The following CEP112 variants were observed in gnomAD, a reference collection of about 807,000 sequenced individuals.
The protein encoded by CEP112 is centrosomal protein 112.
CEP112 carries 127 observed loss-of-function variants against 153.0 expected under a neutral mutation model. The ratio of observed to expected loss-of-function variants is 0.83; its 90% confidence interval spans 0.72 to 0.96. The LOEUF is 0.96. Among genes scored for constraint, CEP112 ranks in the 40% least tolerant of loss-of-function variants. The pLI, the probability that CEP112 is intolerant of heterozygous loss-of-function variation, is 0.00. For missense variants in CEP112, 1,089 were observed against 1,101.2 expected, an observed-to-expected ratio of 0.99 and a Z score of 0.16; for synonymous variants, 358 against 374.4, an observed-to-expected ratio of 0.96 and a Z score of 0.51.
intron 6 of CEP112, among the ~76,000 whole-genome samples, chr17:66,121,081 C>T (rs1013546338): frequency 1.3e-5 from 2 of 151,974 alleles, no homozygotes; most frequent in Admixed American, 1.3e-4. Flanking sequence ...GAGTTCGAGA[C>T]CAGTCTGACC....
intron 18 of CEP112, among the ~76,000 whole-genome samples, chr17:65,954,338 C>T (rs2061937417): frequency 6.6e-6 from 1 of 152,114 alleles, no homozygotes; most frequent in Non-Finnish European, 1.5e-5. Context: ...AAGGGAGCAC[C>T]CCATAGGACA....
At chr17:65,991,059 A>C (rs2063576438) in intron 17 of CEP112, among the ~76,000 whole-genome samples, 1 of 152,240 alleles carries the variant, frequency 6.6e-6, no homozygotes, top group Non-Finnish European at 1.5e-5. Flanking sequence ...TCCTGGCTTC[A>C]GAACTCTGGA....
chr17:65,637,207 G>A lies in CEP112; in HGVS notation c.2800-19C>T, dbSNP rs368506004. ...AATTAACCTAGAAAAGACACCTTGT[G>A]TGAGAAGAGGTGGACGTGGCTTACA... On this transcript the variant is annotated intron_variant, in intron 25 of 26. Transcript: ENST00000535342. 10 of 1,580,934 alleles carry A rather than the reference G, an allele frequency of 6.3e-6. No individual in the cohort carries two copies. The African/African-American group carries it at 1.2e-4, about 19-fold the overall frequency.
intron 20 of CEP112, among the ~76,000 whole-genome samples, chr17:65,866,534 C>T (rs1039331598): frequency 1.3e-5 from 2 of 152,196 alleles, no homozygotes; most frequent in African/African-American, 2.4e-5. Context: ...TGCTGGTCCC[C>T]GCAGATGGCA....
intron 23 of CEP112, among the ~76,000 whole-genome samples, chr17:65,722,723 G>C (rs893361583): frequency 6.6e-6 from 1 of 152,220 alleles, no homozygotes; most frequent in Admixed American, 6.5e-5. Flanking sequence ...GGATGAGAGA[G>C]AACACGATGT....
chr17:65,677,460 A>T (rs376941000), intron 24 of CEP112, among the ~76,000 whole-genome samples: 13 of 152,166 alleles, frequency 8.5e-5, no homozygotes, highest in African/African-American at 3.1e-4. Flanking sequence ...TTTCTACTGG[A>T]ACTATGCCTT....
chr17:65,663,310 TATTGTAA>T (rs2046493100), intron 24 of CEP112, among the ~76,000 whole-genome samples: 1 of 152,216 alleles, frequency 6.6e-6, no homozygotes, highest in Admixed American at 6.5e-5. Context: ...AGGGTTGTTG[TATTGTAA>T]ACTTAGGTTA....
At chr17:66,099,026 A>G (rs1343468577) in intron 6 of CEP112, among the ~76,000 whole-genome samples, 2 of 152,194 alleles carry the variant, frequency 1.3e-5, no homozygotes, top group Non-Finnish European at 2.9e-5. Context: ...TCAGAGTGCC[A>G]GAGATGGGCA....
chr17:65,931,956 T>C (rs761132819), intron 18 of CEP112, among the ~76,000 whole-genome samples: 1 of 152,154 alleles, frequency 6.6e-6, no homozygotes. Context: ...CTTGACAGCA[T>C]TGGAGTCTGA....
intron 24 of CEP112, among the ~76,000 whole-genome samples, chr17:65,653,930 G>A (rs1043083722): frequency 3.2e-4 from 48 of 151,466 alleles, no homozygotes; most frequent in African/African-American, 9.9e-4. Context: ...GTGGTGGTGC[G>A]CACCTGTAGT....
rs566003511 is a variant in CEP112, at chr17:65,723,122, A to AG, written c.2607+19945_2607+19946insC. On this transcript the variant is annotated intron_variant, in intron 23 of 26. Transcript: ENST00000535342. ...CACAATCCATCTTGTGATGTTAATGACACACTTGTTTTATATTCAAACAGG... is the reference window on the plus strand; with the variant it reads ...CACAATCCATCTTGTGATGTTAATGAGCACACTTGTTTTATATTCAAACAGG... 1.4e-3 allele frequency among the ~76,000 whole-genome samples: 218 copies of AG among 152,328 alleles called. 1 individual carries two copies. Among genetic ancestry groups the AG allele is most frequent in the African/African-American group, 5.1e-3 (214 of 41,564 alleles).
chr17:65,687,357 G>C (rs1002571675), intron 24 of CEP112, among the ~76,000 whole-genome samples: 4 of 151,768 alleles, frequency 2.6e-5, no homozygotes, highest in African/African-American at 4.8e-5. Context: ...AGGAGAGACA[G>C]GGTTTCACCA....
At chr17:66,150,333 G>A (rs1251794798) in intron 4 of CEP112, among the ~76,000 whole-genome samples, 1 of 150,774 alleles carries the variant, frequency 6.6e-6, no homozygotes, top group Non-Finnish European at 1.5e-5. Flanking sequence ...AAGGAGATGG[G>A]ACTACAGACA....
At chr17:65,944,485 A>G (rs2061591489) in intron 18 of CEP112, among the ~76,000 whole-genome samples, 2 of 152,238 alleles carry the variant, frequency 1.3e-5, no homozygotes, top group African/African-American at 4.8e-5. Flanking sequence ...ATAAAGTTAA[A>G]TGGGTTATTA....
intron 21 of CEP112, among the ~76,000 whole-genome samples, chr17:65,764,290 A>C (rs2052800749): frequency 6.6e-6 from 1 of 152,222 alleles, no homozygotes; most frequent in African/African-American, 2.4e-5. Context: ...AGCACAATTC[A>C]ATGTCAGTAT....
At position 65,637,287 on chromosome 17, in the gene CEP112, C is replaced by G; in HGVS notation, c.2800-99G>C. Reference sequence around the variant, plus strand: ...ATTTTATTTAAATTCAGACAATTCCCTAGATAAAACTCAGAGGATTTGTTG... The same window carrying G: ...ATTTTATTTAAATTCAGACAATTCCGTAGATAAAACTCAGAGGATTTGTTG... On this transcript the variant is annotated intron_variant, in intron 25 of 26. Transcript: ENST00000535342. 13 of 805,274 alleles carry G rather than the reference C, an allele frequency of 1.6e-5. No individual in the cohort carries two copies. The South Asian group carries it at 1.9e-4, about 12-fold the overall frequency. The allele number at this position is 805,274 out of a possible 1,614,324, so 49.9% of individuals were successfully genotyped here. A position where few individuals can be genotyped will look rare whatever the true frequency, so the allele number is the denominator to read the frequency against.
chr17:65,884,308 T>C (rs939303288), intron 20 of CEP112, among the ~76,000 whole-genome samples: 5 of 152,158 alleles, frequency 3.3e-5, no homozygotes, highest in Admixed American at 3.3e-4. Context: ...GAAAGCGTTA[T>C]TTGCAGTGAT....
intron 21 of CEP112, among the ~76,000 whole-genome samples, chr17:65,823,873 C>T (rs1372404147): frequency 6.6e-6 from 1 of 152,094 alleles, no homozygotes; most frequent in Non-Finnish European, 1.5e-5. Flanking sequence ...AGGTGCTCAA[C>T]ATTATTAGTC....
chr17:65,913,625 T>C (rs1413089159), intron 19 of CEP112: 12 of 985,314 alleles, frequency 1.2e-5, no homozygotes, highest in Non-Finnish European at 1.4e-5. Flanking sequence ...GAAGTTCTCC[T>C]TATTTAAAAG....
Sources: allele counts gnomAD v4.1 joint callset (sites outside exome capture counted in the v4.1 genomes callset), GRCh38; gene constraint gnomAD v4.1.1; transcripts MANE v1.5; gene names NCBI Gene and HGNC (gene_info 2026-07-23, HGNC 2026-07-21).